BRD3: variants seen among roughly 807,000 people sequenced by gnomAD.
BRD3 encodes bromodomain containing 3.
A neutral mutation model predicts 66.8 loss-of-function variants in BRD3; 17 were observed. The ratio of observed to expected loss-of-function variants is 0.25; its 90% confidence interval spans 0.17 to 0.38. The LOEUF (loss-of-function observed/expected upper bound fraction) is 0.38. BRD3 is among the 10% of genes least tolerant of loss of function. BRD3 has a pLI of 1.00. For synonymous variants in BRD3, 421 were observed against 393.2 expected, an observed-to-expected ratio of 1.07 and a Z score of -0.84; for missense variants, 713 against 956.1, an observed-to-expected ratio of 0.75 and a Z score of 3.35.
At chr9:134,039,856 C>T (rs1291256915) in intron 9 of BRD3, among the ~76,000 whole-genome samples, 178 bp downstream of exon 9, 1 of 151,926 alleles carries the variant, frequency 6.6e-6, no homozygotes, top group African/African-American at 2.4e-5. Flanking sequence ...AGCAGCATCA[C>T]CTGGGCCCCC....
At chr9:134,043,780 G>A (rs1264601370) in intron 7 of BRD3, among the ~76,000 whole-genome samples, 6 of 152,168 alleles carry the variant, frequency 3.9e-5, no homozygotes, top group East Asian at 1.9e-4. Flanking sequence ...AGTCTCCAAC[G>A]CCCGGGCTCA....
chr9:134,041,096 G>A (rs1830036122), intron 8 of BRD3, among the ~76,000 whole-genome samples: 1 of 152,204 alleles, frequency 6.6e-6, no homozygotes, highest in Non-Finnish European at 1.5e-5. Flanking sequence ...GGACTGCAGG[G>A]CCATCGCTGT....
At position 134,031,666 on chromosome 9, in the gene BRD3, C is replaced by T. The variant is rs562884052; in HGVS notation, c.*1924G>A. On this transcript the variant is annotated 3_prime_UTR_variant, in exon 12 of 12. Transcript: ENST00000303407. ...CAGCATCTCCTCATCAGAGTTCCCT[C>T]TCCAGTAAGGGTATACCTACATCTG... 1.9e-4 allele frequency: 40 copies of T among 215,146 alleles called. 1 individual carries two copies. The South Asian group carries it at 7.1e-3, about 38-fold the overall frequency. The allele number at this position is 215,146 out of a possible 1,614,324, so 13.3% of individuals were successfully genotyped here. A position where few individuals can be genotyped will look rare whatever the true frequency, so the allele number is the denominator to read the frequency against.
At chr9:134,049,257 C>T (rs1163313110) in intron 5 of BRD3, among the ~76,000 whole-genome samples, 1 of 152,160 alleles carries the variant, frequency 6.6e-6, no homozygotes, top group East Asian at 1.9e-4. Flanking sequence ...CACCCAGCAC[C>T]CATGGGCATC....
In BRD3 at chr9:134,037,888, T is replaced by C. The variant is rs535076047; in HGVS notation, c.1644-1564A>G. Reference sequence around the variant, plus strand: ...AGGCTAATAGAGAAATACTAACCAATAGACTTATGTCCATAAGTTTGACAA... The same window carrying C: ...AGGCTAATAGAGAAATACTAACCAACAGACTTATGTCCATAAGTTTGACAA... On this transcript the variant is annotated intron_variant, in intron 9 of 11. Transcript: ENST00000303407. 4.6e-5 allele frequency among the ~76,000 whole-genome samples: 7 copies of C among 152,272 alleles called. No individual in the cohort carries two copies. The East Asian group carries it at 1.4e-3, about 29-fold the overall frequency.
At chr9:134,058,199 T>G (rs1264636691) in intron 1 of BRD3, 1 of 152,276 alleles carries the variant, frequency 6.6e-6, no homozygotes, top group African/African-American at 2.4e-5. Flanking sequence ...GCTTCACTCA[T>G]GCAAGGACAT....
At chr9:134,050,858 T>C (rs1830278258) in intron 4 of BRD3, among the ~76,000 whole-genome samples, 1 of 152,134 alleles carries the variant, frequency 6.6e-6, no homozygotes, top group South Asian at 2.1e-4. Context: ...GGCAGTCCCA[T>C]GGCCTGGCAG....
At chr9:134,052,920 G>A (rs1830334719) in intron 2 of BRD3, among the ~76,000 whole-genome samples, 1 of 152,222 alleles carries the variant, frequency 6.6e-6, no homozygotes, top group Non-Finnish European at 1.5e-5. Flanking sequence ...AACTCCAAGT[G>A]GGCTCACCAA....
chr9:134,040,243 G>A lies in BRD3; in HGVS notation c.1434C>T (p.Ala478=), dbSNP rs751743861. 33 of 1,595,054 alleles carry A rather than the reference G, an allele frequency of 2.1e-5. No homozygotes were observed. The East Asian group carries it at 2.9e-4, about 14-fold the overall frequency. ...EQLKAVHEQL[A]ALSQAPVNKP... ...TGTTTACTGGGGCCTGAGACAGGGC[G>A]GCCAGCTGCTCGTGCACGGCCTTCA... is the stretch of plus-strand genomic sequence containing the variant. Residue 478 remains alanine, a synonymous_variant, in exon 9 of 12, where the codon GCC becomes GCT. Transcript: ENST00000303407.
Position 134,052,367 on chromosome 9 carries a change from C to G in BRD3, c.290G>C (p.Ser97Thr). 1 of 1,613,574 alleles carries G rather than the reference C, an allele frequency of 6.2e-7. No individual in the cohort carries two copies. The highest frequency in any genetic ancestry group is 8.5e-7 in the Non-Finnish European group (1 of 1,179,908). Residue 97 changes from serine (S) to threonine (T), a missense_variant, in exon 3 of 12, where the codon AGT becomes ACT. Around this residue, in one of 5 missense-constraint regions of BRD3, gnomAD observed 85 missense variants for 152.4 expected, o/e 0.56. Coordinates refer to ENST00000303407, the MANE Select transcript of BRD3 (RefSeq NM_007371.4). ...GAAGTCCTGCATACATTCGCTTGCA[C>G]TCCAATAATAATTATTTTCTAGTCT... The part of the protein sequence containing the change: ...KKRLENNYYW[S>T]ASECMQDFNT...
chr9:134,053,528 T>C lies in BRD3; in HGVS notation c.-51A>G. On this transcript the variant is annotated 5_prime_UTR_variant, in exon 2 of 12. Coordinates refer to ENST00000303407, the MANE Select transcript of BRD3 (RefSeq NM_007371.4). ...TCACAGCAGCGGCTTGGAGAGGCCC[T>C]GGCTGCTTCTACGCTCCCTGAGAAA... 1.3e-6 allele frequency: 2 copies of C among 1,503,832 alleles called. No homozygotes were observed. The highest frequency in any genetic ancestry group is 8.8e-7 in the Non-Finnish European group (1 of 1,130,148). The allele number at this position is 1,503,832 out of a possible 1,614,324, so 93.2% of individuals were successfully genotyped here.
intron 1 of BRD3, among the ~76,000 whole-genome samples, chr9:134,067,541 C>A (rs1246894269): frequency 1.4e-5 from 2 of 147,768 alleles, no homozygotes; most frequent in Non-Finnish European, 3.0e-5. Flanking sequence ...AGATGGCGGG[C>A]GGAGGAAAGG....
intron 7 of BRD3, among the ~76,000 whole-genome samples, chr9:134,043,032 A>G (rs1588280628): frequency 6.6e-6 from 1 of 152,098 alleles, no homozygotes; most frequent in East Asian, 1.9e-4. Context: ...GTAGAGCCGA[A>G]GTTTCACCAT....
chr9:134,051,138 A>C (rs1830285065), intron 4 of BRD3, among the ~76,000 whole-genome samples: 1 of 152,228 alleles, frequency 6.6e-6, no homozygotes, highest in South Asian at 2.1e-4. Flanking sequence ...TTACTTGACC[A>C]GGGAACCAGG....
intron 1 of BRD3, among the ~76,000 whole-genome samples, chr9:134,055,195 T>TG (rs1830391648): frequency 6.6e-6 from 1 of 152,204 alleles, no homozygotes; most frequent in Non-Finnish European, 1.5e-5. Context: ...CAGGGCTCCC[T>TG]GCTCTGCCCC....
rs1843528911 is a variant in BRD3 at position 134,032,668 on chromosome 9, T to C, written c.*922A>G. On this transcript the variant is annotated 3_prime_UTR_variant, in exon 12 of 12. Transcript: ENST00000303407. ...TCTGCGGTTTTTTCTTATTTTCTTT[T>C]TTTTAAAAATGACCAATGATGTTAA... is the stretch of plus-strand genomic sequence containing the variant. The C allele has an allele frequency of 4.4e-6, 1 of 226,840 alleles. No homozygotes were observed. Among genetic ancestry groups the C allele is most frequent in the Non-Finnish European group, 8.8e-6 (1 of 114,228 alleles). The allele number at this position is 226,840 out of a possible 1,614,324, so 14.1% of individuals were successfully genotyped here.
rs182388275 is a variant in BRD3 at position 134,051,491 on chromosome 9, G to A, written c.499+71C>T. The A allele has an allele frequency of 1.4e-3, 1,972 of 1,406,902 alleles. 1 individual carries two copies. The highest frequency in any genetic ancestry group is 2.5e-3 in the Admixed American group (86 of 34,212). 87.2% of individuals were successfully genotyped at this position (1,406,902 alleles called of 1,614,324 possible). A position where few individuals can be genotyped will look rare whatever the true frequency, so the allele number is the denominator to read the frequency against. On this transcript the variant is annotated intron_variant, in intron 4 of 11. Transcript: ENST00000303407. The stretch of plus-strand genomic sequence containing the variant: ...AAACAGCTCAGATGGCTAAAGGATC[G>A]CGTCCCAGCCCATCCACCCGTGGGC...
intron 4 of BRD3, 125 bp from the exon 5 acceptor site, chr9:134,050,713 G>T: frequency 1.3e-6 from 1 of 756,870 alleles, no homozygotes; most frequent in Non-Finnish European, 2.1e-6. Context: ...CCGGCCAGAA[G>T]AACCCTCCAT....
intron 1 of BRD3, among the ~76,000 whole-genome samples, chr9:134,060,595 C>CACACAG (rs1156570441): frequency 4.6e-5 from 7 of 150,690 alleles, no homozygotes; most frequent in Non-Finnish European, 1.0e-4. Context: ...CTGACACACA[C>CACACAG]ACACACACAC....
Sources: allele counts gnomAD v4.1 joint callset (sites outside exome capture counted in the v4.1 genomes callset), GRCh38; gene constraint gnomAD v4.1.1; regional missense constraint gnomAD v4.1.1; transcripts MANE v1.5; gene names NCBI Gene and HGNC (gene_info 2026-07-23, HGNC 2026-07-21).